PCMT1: variants seen among roughly 807,000 people sequenced by gnomAD.
The protein encoded by PCMT1 is protein-L-isoaspartate(D-aspartate) O-methyltransferase.
In PCMT1, 9 loss-of-function variants were observed where a neutral mutation model predicts 29.2. The observed-to-expected ratio is 0.31, with a 90% confidence interval of 0.19 to 0.54. PCMT1 has a LOEUF of 0.54. Among genes scored for constraint, PCMT1 ranks in the 20% least tolerant of loss-of-function variants. PCMT1 has a pLI of 0.95. For missense variants in PCMT1, 184 were observed against 282.2 expected (o/e 0.65, Z 2.49); for synonymous variants, 98 against 97.5 (o/e 1.00, Z -0.03).
intron 1 of PCMT1, among the ~76,000 whole-genome samples, chr6:149,767,609 C>A (rs148846507): frequency 6.6e-6 from 1 of 151,956 alleles, no homozygotes; most frequent in East Asian, 1.9e-4. Flanking sequence ...TGCGTCACTA[C>A]GTCCAGCTAA....
intron 3 of PCMT1, among the ~76,000 whole-genome samples, chr6:149,774,555 T>G (rs1361351202): frequency 8.5e-6 from 1 of 117,600 alleles, no homozygotes; most frequent in Non-Finnish European, 1.7e-5. Context: ...TTTTTTTTTT[T>G]GAGACGGAGT....
chr6:149,758,204 C>CTTTTTTTTTTTTTTT (rs1583003709), intron 1 of PCMT1, among the ~76,000 whole-genome samples: 1 of 68,198 alleles, frequency 1.5e-5, no homozygotes, highest in Non-Finnish European at 2.7e-5. Context: ...TTCTTTCTTT[C>CTTTTTTTTTTTTTTT]TTTCTTTTTT....
Position 149,793,588 on chromosome 6 carries a change from A to G in PCMT1, c.337A>G (p.Lys113Glu). The G allele has an allele frequency of 1.3e-6, 2 of 1,551,546 alleles. No homozygotes were observed. The highest frequency in any genetic ancestry group is 2.1e-5 in the Admixed American group (1 of 47,152). ...TGKVIGIDHI[K>E]ELVDDSVNNV... ...AAAAGTCATAGGAATTGATCACATT[A>G]AAGAGCTAGTAGATGACTCAGTAAA... The change falls in exon 5 of 8, where the codon AAA (lysine) becomes GAA (glutamate). Residue 113 changes from lysine (K) to glutamate (E), a missense_variant. Transcript: ENST00000464889.
At chr6:149,755,035 G>A (rs896782282) in intron 1 of PCMT1, among the ~76,000 whole-genome samples, 7 of 152,064 alleles carry the variant, frequency 4.6e-5, no homozygotes, top group Non-Finnish European at 8.8e-5. Flanking sequence ...ACATACAGAT[G>A]GTCCCTGACT....
At chr6:149,769,930 T>C (rs1375392790) in intron 1 of PCMT1, among the ~76,000 whole-genome samples, 1 of 152,094 alleles carries the variant, frequency 6.6e-6, no homozygotes, top group Non-Finnish European at 1.5e-5. Context: ...AAGGCAAATA[T>C]ATATTATTGA....
intron 6 of PCMT1, 143 bp downstream of exon 6, chr6:149,796,643 T>C (rs1013861916): frequency 1.8e-6 from 1 of 556,498 alleles, no homozygotes. Context: ...TGTTACTCTT[T>C]TCTTTTTTCA....
chr6:149,757,728 G>C (rs1256422063), intron 1 of PCMT1, among the ~76,000 whole-genome samples: 2 of 152,146 alleles, frequency 1.3e-5, no homozygotes, highest in Non-Finnish European at 2.9e-5. Context: ...TTGAAGCAAA[G>C]AATGGTTGAC....
chr6:149,786,140 G>A (rs562160955), intron 3 of PCMT1, among the ~76,000 whole-genome samples: 1,468 of 121,298 alleles, frequency 0.012, 74 homozygotes, highest in South Asian at 0.026. Context: ...CCTCCCGGAC[G>A]GGGCGGCTGG....
chr6:149,773,920 C>T (rs1787442687), intron 3 of PCMT1, among the ~76,000 whole-genome samples: 1 of 152,124 alleles, frequency 6.6e-6, no homozygotes. Context: ...TGCATAGCTC[C>T]TTGAGAAAGA....
chr6:149,802,249 C>A lies in PCMT1; in HGVS notation c.554C>A (p.Pro185His). 6.2e-7 allele frequency: 1 copy of A among 1,612,876 alleles called. No individual in the cohort carries two copies. Residue 185 changes from proline (P) to histidine (H), a missense_variant, in exon 7 of 8, where the codon CCT becomes CAT. By Grantham distance (77) the Pro-to-His change is moderately conservative. Transcript: ENST00000464889. ...PGGRLILPVG[P>H]AGGNQMLEQY... ...GGAAGATTGATATTGCCTGTTGGTCCTGCAGGCGGAAACCAAATGTTGGAG... is the reference window on the plus strand; with the variant it reads ...GGAAGATTGATATTGCCTGTTGGTCATGCAGGCGGAAACCAAATGTTGGAG...
rs1224199312 is a variant in PCMT1, at chr6:149,749,788, G to C, written c.-114G>C. On this transcript the variant is annotated 5_prime_UTR_variant, in exon 1 of 8. Transcript: ENST00000464889. ...CGGCAGTAACAGCGGCAGCTACAGC[G>C]GGGACGCGAGCGGGGCGGTGACGGT... 1.3e-6 allele frequency: 2 copies of C among 1,551,174 alleles called. No individual in the cohort carries two copies. The highest frequency in any genetic ancestry group is 3.9e-5 in the Admixed American group (2 of 50,980).
chr6:149,809,558 C>T (rs1371635177), intron 7 of PCMT1, among the ~76,000 whole-genome samples: 2 of 152,076 alleles, frequency 1.3e-5, no homozygotes, highest in African/African-American at 4.8e-5. Context: ...TATTTTCTTG[C>T]ACAATTTACA....
At chr6:149,802,989 G>A (rs1775887347) in intron 7 of PCMT1, among the ~76,000 whole-genome samples, 1 of 144,914 alleles carries the variant, frequency 6.9e-6, no homozygotes, top group African/African-American at 2.5e-5. Flanking sequence ...GGAGGCGGAG[G>A]TTGCAGTGGG....
chr6:149,798,352 A>G (rs528675896), intron 6 of PCMT1, among the ~76,000 whole-genome samples: 1 of 152,314 alleles, frequency 6.6e-6, no homozygotes, highest in East Asian at 1.9e-4. Flanking sequence ...AAAATCTGAA[A>G]TAGAACTGTG....
intron 3 of PCMT1, among the ~76,000 whole-genome samples, chr6:149,776,367 T>TCAG (rs1405093247): frequency 1.7e-5 from 2 of 115,676 alleles, no homozygotes; most frequent in African/African-American, 8.0e-5. Flanking sequence ...CGTGCCTTAC[T>TCAG]CAGCCTTCCT....
intron 6 of PCMT1, among the ~76,000 whole-genome samples, chr6:149,800,203 T>C (rs1305102563): frequency 6.6e-6 from 1 of 152,126 alleles, no homozygotes; most frequent in African/African-American, 2.4e-5. Context: ...TGGTGGCTCA[T>C]GCCTGTAATC....
chr6:149,754,695 G>A (rs901175400), intron 1 of PCMT1, among the ~76,000 whole-genome samples: 3 of 152,172 alleles, frequency 2.0e-5, no homozygotes, highest in Admixed American at 6.5e-5. Flanking sequence ...ATTGTGTGCT[G>A]TTTTGAGTAG....
chr6:149,773,049 A>G, intron 2 of PCMT1, 89 bp from the exon 3 acceptor site: 1 of 1,053,026 alleles, frequency 9.5e-7, no homozygotes, highest in Non-Finnish European at 1.4e-6. Flanking sequence ...TTATTGTGAA[A>G]AATAACGTAT....
intron 1 of PCMT1, among the ~76,000 whole-genome samples, chr6:149,759,369 C>T (rs1262684544): frequency 1.2e-4 from 18 of 152,312 alleles, no homozygotes. Flanking sequence ...AGATGGTTAA[C>T]AGCTATCCAA....
Sources: gnomAD v4.1 joint callset for allele counts (sites outside exome capture counted in the v4.1 genomes callset) on GRCh38, gnomAD v4.1.1 for gene constraint, MANE v1.5 for transcripts, NCBI Gene and HGNC (gene_info 2026-07-23, HGNC 2026-07-21) for gene names.